SERPINA3: variants seen among roughly 807,000 people sequenced by gnomAD.
The protein encoded by SERPINA3 is alpha-1-antichymotrypsin.
SERPINA3 carries 32 observed loss-of-function variants against 26.8 expected under a neutral mutation model. The observed-to-expected ratio is 1.20, with a 90% CI of 0.90 to 1.61. The LOEUF (loss-of-function observed/expected upper bound fraction) is 1.61, where lower values mean the gene tolerates loss of function less well. Ranked by LOEUF, SERPINA3 falls within the 40% of genes most tolerant of loss-of-function variation. SERPINA3 has a pLI of 0.00. For synonymous variants in SERPINA3, 252 were observed against 206.4 expected (o/e 1.22, Z -1.89); for missense variants, 632 against 517.9 (o/e 1.22, Z -2.14).
Position 94,614,617 on chromosome 14 carries a change from G to C in SERPINA3, c.176G>C (p.Ser59Thr). 6.2e-7 allele frequency: 1 copy of C among 1,614,112 alleles called. No homozygotes were observed. Among genetic ancestry groups the C allele is most frequent in the Non-Finnish European group, 8.5e-7 (1 of 1,180,020 alleles). The change falls in exon 2 of 5, where the codon AGC becomes ACC. Residue 59 changes from serine to threonine, a missense_variant. By Grantham distance (58) the Ser-to-Thr change is moderately conservative. Coordinates refer to ENST00000393078, the MANE Select transcript of SERPINA3 (RefSeq NM_001085.5). ...LASANVDFAF[S>T]LYKQLVLKAP... Reference sequence around the variant, plus strand: ...TCCGCCAACGTGGACTTCGCTTTCAGCCTGTACAAGCAGTTAGTCCTGAAG... The same window carrying C: ...TCCGCCAACGTGGACTTCGCTTTCACCCTGTACAAGCAGTTAGTCCTGAAG...
rs771744525 is a variant in SERPINA3 at position 94,622,394 on chromosome 14, T to C, written c.971T>C (p.Leu324Pro). Residue 324 changes from leucine to proline, a missense_variant, in exon 4 of 5, where the codon CTG becomes CCG. Coordinates refer to ENST00000393078, the MANE Select transcript of SERPINA3 (RefSeq NM_001085.5). ...TTTTCCATCTCGAGGGACTATAACC[T>C]GAACGACATACTTCTCCAGCTGGGC... ...PKFSISRDYN[L>P]NDILLQLGIE... 6.2e-7 allele frequency: 1 copy of C among 1,613,968 alleles called. No homozygotes were observed. The highest frequency in any genetic ancestry group is 8.5e-7 in the Non-Finnish European group (1 of 1,180,012).
At chr14:94,619,538 G>A (rs1886127424) in intron 3 of SERPINA3, 70 bp downstream of exon 3, 3 of 1,588,762 alleles carry the variant, frequency 1.9e-6, no homozygotes, top group South Asian at 1.1e-5. Flanking sequence ...CCAGGGACAA[G>A]GGCATGGTGG....
chr14:94,623,613 G>A lies in SERPINA3; in HGVS notation c.1071G>A (p.Val357=). 6.2e-7 allele frequency: 1 copy of A among 1,613,874 alleles called. No homozygotes were observed. Among genetic ancestry groups the A allele is most frequent in the Non-Finnish European group, 8.5e-7 (1 of 1,179,966 alleles). The change falls in exon 5 of 5, where the codon GTG becomes GTA. Residue 357 remains valine (V), a splice_region_variant and synonymous_variant. Transcript: ENST00000393078. ...GTAATGTTCTGCTGTCCCCACAGGT[G>A]GTCCATAAGGCTGTGCTTGATGTAT... The part of the protein sequence containing the change: ...TGARNLAVSQ[V]VHKAVLDVFE...
At chr14:94,621,163 C>T (rs1886188455) in intron 3 of SERPINA3, among the ~76,000 whole-genome samples, 1 of 152,182 alleles carries the variant, frequency 6.6e-6, no homozygotes, top group South Asian at 2.1e-4. Context: ...AGCCCCTCCT[C>T]ACTCTAGATC....
In SERPINA3 at chr14:94,623,760, A is replaced by G; in HGVS notation, c.1218A>G (p.Thr406=). 6.2e-7 allele frequency: 1 copy of G among 1,614,150 alleles called. No individual in the cohort carries two copies. Among genetic ancestry groups the G allele is most frequent in the South Asian group, 1.1e-5 (1 of 91,080 alleles). Residue 406 remains threonine (T), a synonymous_variant, in exon 5 of 5, where the codon ACA becomes ACG. Coordinates refer to ENST00000393078, the MANE Select transcript of SERPINA3 (RefSeq NM_001085.5). ...CCTTCCTGATGATCATTGTCCCTACAGACACCCAGAACATCTTCTTCATGA... is the reference window on the plus strand; with the variant it reads ...CCTTCCTGATGATCATTGTCCCTACGGACACCCAGAACATCTTCTTCATGA... ...NRPFLMIIVP[T]DTQNIFFMSK...
chr14:94,614,538 A>T lies in SERPINA3; in HGVS notation c.97A>T (p.Asn33Tyr). 1 of 1,613,910 alleles carries T rather than the reference A, an allele frequency of 6.2e-7. No homozygotes were observed. Among genetic ancestry groups the T allele is most frequent in the Non-Finnish European group, 8.5e-7 (1 of 1,179,886 alleles). Residue 33 changes from asparagine (N) to tyrosine (Y), a missense_variant, in exon 2 of 5, where the codon AAT becomes TAT. Asn to Tyr is a moderately radical substitution (Grantham distance 143). Transcript: ENST00000393078. Reference sequence around the variant, plus strand: ...CCCTAACAGCCCACTTGACGAGGAGAATCTGACCCAGGAGAACCAAGACCG... The same window carrying T: ...CCCTAACAGCCCACTTGACGAGGAGTATCTGACCCAGGAGAACCAAGACCG... ...CHPNSPLDEE[N>Y]LTQENQDRGT... is the part of the protein sequence containing the mutation.
chr14:94,623,573 CT>C, intron 4 of SERPINA3, 37 bp from the exon 5 acceptor site: 3 of 1,598,242 alleles, frequency 1.9e-6, no homozygotes, highest in Non-Finnish European at 2.6e-6. Context: ...TCCTGCGCAT[CT>C]GTGTTTCCCG....
chr14:94,619,791 A>G (rs1886134959), intron 3 of SERPINA3: 1 of 430,790 alleles, frequency 2.3e-6, no homozygotes, highest in African/African-American at 2.0e-5. Flanking sequence ...AACAGAAGGA[A>G]TTGTGATCAG....
chr14:94,617,902 TTC>T (rs1886059908), intron 2 of SERPINA3: 1 of 152,240 alleles, frequency 6.6e-6, no homozygotes, highest in African/African-American at 2.4e-5. Context: ...CTTCTTCATC[TTC>T]TCTTTCCTCT....
At chr14:94,622,268 C>T in intron 3 of SERPINA3, 73 bp from the exon 4 acceptor site, 1 of 1,426,854 alleles carries the variant, frequency 7.0e-7, no homozygotes, top group South Asian at 1.1e-5. Context: ...CAGGGAAGAC[C>T]ATGCTGCGAG....
intron 3 of SERPINA3, among the ~76,000 whole-genome samples, chr14:94,620,926 G>A (rs1398092330): frequency 6.6e-6 from 1 of 152,252 alleles, no homozygotes; most frequent in Middle Eastern, 3.4e-3. Flanking sequence ...GGAGCAGGTC[G>A]CTGCTCTTCT....
rs372600839 is a variant in SERPINA3, at chr14:94,622,398, C to T, written c.975C>T (p.Asn325=). 1.3e-4 allele frequency: 216 copies of T among 1,613,964 alleles called. No homozygotes were observed. In the East Asian group the frequency reaches 3.5e-3, roughly 26 times the overall value. The change falls in exon 4 of 5, where the codon AAC becomes AAT. Residue 325 remains asparagine (N), a synonymous_variant. Transcript: ENST00000393078. Reference sequence around the variant, plus strand: ...CCATCTCGAGGGACTATAACCTGAACGACATACTTCTCCAGCTGGGCATTG... The same window carrying T: ...CCATCTCGAGGGACTATAACCTGAATGACATACTTCTCCAGCTGGGCATTG... ...KFSISRDYNL[N]DILLQLGIEE...
chr14:94,617,195 G>A (rs1009327346), intron 2 of SERPINA3, among the ~76,000 whole-genome samples: 1 of 152,174 alleles, frequency 6.6e-6, no homozygotes, highest in African/African-American at 2.4e-5. Flanking sequence ...TGGTAACGGG[G>A]ACACCTGTTC....
chr14:94,617,470 A>C (rs1380816427), intron 2 of SERPINA3, among the ~76,000 whole-genome samples: 4 of 152,140 alleles, frequency 2.6e-5, no homozygotes, highest in Non-Finnish European at 5.9e-5. Flanking sequence ...AGAAAAACCA[A>C]AATAAAGAAA....
At chr14:94,617,265 T>C (rs762739081) in intron 2 of SERPINA3, among the ~76,000 whole-genome samples, 1 of 152,124 alleles carries the variant, frequency 6.6e-6, no homozygotes, top group Non-Finnish European at 1.5e-5. Flanking sequence ...TACAATTACA[T>C]TTGTCCCCAG....
intron 2 of SERPINA3, chr14:94,618,050 C>A (rs1886064672): frequency 6.6e-6 from 1 of 152,064 alleles, no homozygotes; most frequent in Non-Finnish European, 1.5e-5. Flanking sequence ...ATAATTGTAC[C>A]CAACTAAATG....
chr14:94,623,691 T>C lies in SERPINA3; in HGVS notation c.1149T>C (p.Leu383=). Residue 383 remains leucine (L), a synonymous_variant, in exon 5 of 5, where the codon CTT becomes CTC. Coordinates refer to ENST00000393078, the MANE Select transcript of SERPINA3 (RefSeq NM_001085.5). ...SAATAVKITL[L]SALVETRTIV... Reference sequence around the variant, plus strand: ...CCACAGCAGTCAAAATCACCCTCCTTTCTGCATTAGTGGAGACAAGGACCA... The same window carrying C: ...CCACAGCAGTCAAAATCACCCTCCTCTCTGCATTAGTGGAGACAAGGACCA... 1 of 1,614,156 alleles carries C rather than the reference T, an allele frequency of 6.2e-7. No individual in the cohort carries two copies. The highest frequency in any genetic ancestry group is 8.5e-7 in the Non-Finnish European group (1 of 1,180,024).
At chr14:94,621,161 C>T (rs1001236486) in intron 3 of SERPINA3, among the ~76,000 whole-genome samples, 3 of 152,124 alleles carry the variant, frequency 2.0e-5, no homozygotes, top group Non-Finnish European at 4.4e-5. Flanking sequence ...TCAGCCCCTC[C>T]TCACTCTAGA....
In SERPINA3 at chr14:94,622,492, G is replaced by A. The variant is rs374098739; in HGVS notation, c.1068+1G>A. 3.0e-5 allele frequency: 48 copies of A among 1,613,930 alleles called. No homozygotes were observed. In the South Asian group the frequency reaches 4.2e-4, roughly 14 times the overall value. Reference sequence around the variant, plus strand: ...GGCCAGGAACCTAGCAGTCTCCCAGGTGAGTCTTTAGACTTGGGTCAATTC... The same window carrying A: ...GGCCAGGAACCTAGCAGTCTCCCAGATGAGTCTTTAGACTTGGGTCAATTC... On this transcript the variant is annotated splice_donor_variant, in intron 4 of 4. Coordinates refer to ENST00000393078, the MANE Select transcript of SERPINA3 (RefSeq NM_001085.5). LOFTEE classifies it high-confidence loss of function.
Sources: gnomAD v4.1 joint callset for allele counts (sites outside exome capture counted in the v4.1 genomes callset) on GRCh38, gnomAD v4.1.1 for gene constraint, MANE v1.5 for transcripts, NCBI Gene and HGNC (gene_info 2026-07-23, HGNC 2026-07-21) for gene names.